The following SLC2A13 variants were observed in gnomAD, a reference collection of about 807,000 sequenced individuals.
SLC2A13 encodes the protein proton myo-inositol cotransporter.
SLC2A13 carries 32 observed loss-of-function variants against 64.4 expected under a neutral mutation model. That is an observed-to-expected ratio of 0.50 (90% CI 0.37 to 0.67). SLC2A13 has a LOEUF of 0.67. Ranked by LOEUF, SLC2A13 falls within the 30% of genes least tolerant of loss-of-function variation. SLC2A13 has a pLI of 0.00. For synonymous variants in SLC2A13, 338 were observed against 327.1 expected (o/e 1.03, Z -0.36); for missense variants, 743 against 829.2 (o/e 0.90, Z 1.28).
At chr12:40,087,147 T>C (rs201979109) in intron 1 of SLC2A13, among the ~76,000 whole-genome samples, 2 of 152,226 alleles carry the variant, frequency 1.3e-5, no homozygotes, top group East Asian at 3.8e-4. Flanking sequence ...GGCTGTATCT[T>C]CCATTCAGAA....
intron 3 of SLC2A13, among the ~76,000 whole-genome samples, chr12:40,002,848 T>A (rs1035404443): frequency 2.7e-5 from 4 of 148,860 alleles, no homozygotes; most frequent in African/African-American, 2.5e-5. Flanking sequence ...TATATTCCCC[T>A]AAAAAAAAAA....
intron 3 of SLC2A13, among the ~76,000 whole-genome samples, chr12:40,001,189 A>C (rs892087820): frequency 7.9e-5 from 12 of 152,258 alleles, no homozygotes; most frequent in African/African-American, 2.9e-4. Flanking sequence ...GCATTCACTC[A>C]AAGTGGGCCT....
At chr12:39,924,746 A>G (rs974100230) in intron 4 of SLC2A13, among the ~76,000 whole-genome samples, 1 of 152,144 alleles carries the variant, frequency 6.6e-6, no homozygotes, top group Non-Finnish European at 1.5e-5. Context: ...TTTGGTGAAA[A>G]TACTAGAGAA....
At chr12:39,971,782 C>T (rs892133063) in intron 3 of SLC2A13, among the ~76,000 whole-genome samples, 1 of 151,692 alleles carries the variant, frequency 6.6e-6, no homozygotes, top group Non-Finnish European at 1.5e-5. Context: ...CAAGACCAGC[C>T]TGGCCAACAT....
At chr12:40,080,744 A>T (rs564111259) in intron 1 of SLC2A13, among the ~76,000 whole-genome samples, 1 of 152,316 alleles carries the variant, frequency 6.6e-6, no homozygotes, top group South Asian at 2.1e-4. Context: ...TCCTGTCAAC[A>T]TGTTGTTAGT....
intron 6 of SLC2A13, among the ~76,000 whole-genome samples, chr12:39,832,293 G>A (rs568862889): frequency 5.9e-5 from 9 of 152,210 alleles, no homozygotes; most frequent in African/African-American, 1.4e-4. Flanking sequence ...CCCATATGAA[G>A]TTAAATTTAA....
chr12:40,046,258 T>A (rs1332488905), intron 2 of SLC2A13, among the ~76,000 whole-genome samples: 2 of 152,198 alleles, frequency 1.3e-5, no homozygotes, highest in African/African-American at 4.8e-5. Context: ...CTGTCTATGA[T>A]GTCTCCTTGC....
At chr12:40,028,905 T>C (rs1947864426) in intron 2 of SLC2A13, among the ~76,000 whole-genome samples, 1 of 152,212 alleles carries the variant, frequency 6.6e-6, no homozygotes, top group Admixed American at 6.5e-5. Flanking sequence ...GATATCTGCT[T>C]AAAAGGCACA....
intron 2 of SLC2A13, among the ~76,000 whole-genome samples, chr12:40,046,636 G>GA (rs547750463): frequency 1.7e-3 from 233 of 137,878 alleles, no homozygotes; most frequent in African/African-American, 1.8e-3. Flanking sequence ...CTACTGAGTA[G>GA]AAAAAAAAAA....
rs574135057 is a variant in SLC2A13, at chr12:39,779,972, C to G, written c.1446-15114G>C. Among the ~76,000 whole-genome samples the G allele has an allele frequency of 2.0e-5, 3 of 152,256 alleles. No homozygotes were observed. In the South Asian group the frequency reaches 6.2e-4, roughly 32 times the overall value. ...AATGGCATACTTTCTTTATTGGATT[C>G]TTTTCAATCCATTTTATAGCTGCTT... On this transcript the variant is annotated intron_variant, in intron 7 of 9. Coordinates refer to ENST00000280871, the MANE Select transcript of SLC2A13 (RefSeq NM_052885.4).
chr12:39,966,774 T>A (rs1469187355), intron 3 of SLC2A13, among the ~76,000 whole-genome samples: 1 of 152,176 alleles, frequency 6.6e-6, no homozygotes, highest in Non-Finnish European at 1.5e-5. Flanking sequence ...ATTCGAAAGA[T>A]ACGTCTCCAG....
chr12:39,894,318 T>C (rs1944685490), intron 4 of SLC2A13, among the ~76,000 whole-genome samples: 1 of 152,238 alleles, frequency 6.6e-6, no homozygotes, highest in Non-Finnish European at 1.5e-5. Flanking sequence ...TATCCACATA[T>C]TGAATCTGAT....
intron 6 of SLC2A13, among the ~76,000 whole-genome samples, chr12:39,850,056 C>T (rs57043315): frequency 0.021 from 3,198 of 152,228 alleles, 87 homozygotes; most frequent in East Asian, 0.13. Context: ...TTCTTCTGCA[C>T]ACATGCTATC....
At chr12:39,953,497 TCA>T (rs1946267665) in intron 3 of SLC2A13, among the ~76,000 whole-genome samples, 1 of 152,156 alleles carries the variant, frequency 6.6e-6, no homozygotes, top group Non-Finnish European at 1.5e-5. Flanking sequence ...AATCTTTATA[TCA>T]CAGAATCTAT....
At chr12:40,076,901 C>G (rs1054769184) in intron 1 of SLC2A13, among the ~76,000 whole-genome samples, 1 of 152,098 alleles carries the variant, frequency 6.6e-6, no homozygotes, top group Admixed American at 6.5e-5. Context: ...ATCTGCATTT[C>G]TTTAATGATT....
chr12:39,837,450 A>G (rs1247453584), intron 6 of SLC2A13, among the ~76,000 whole-genome samples: 1 of 138,020 alleles, frequency 7.2e-6, no homozygotes, highest in Admixed American at 7.3e-5. Context: ...CATGTCCAAA[A>G]CACCAAAAGC....
At chr12:39,903,178 G>T (rs1296941269) in intron 4 of SLC2A13, among the ~76,000 whole-genome samples, 3 of 152,096 alleles carry the variant, frequency 2.0e-5, no homozygotes, top group Admixed American at 6.6e-5. Context: ...AATCTGAATA[G>T]CATTATGAAC....
chr12:40,075,023 CTG>C (rs1369418149), intron 1 of SLC2A13, among the ~76,000 whole-genome samples: 2 of 152,172 alleles, frequency 1.3e-5, no homozygotes, highest in Non-Finnish European at 2.9e-5. Context: ...GCCACTTACA[CTG>C]TGTTTTAACT....
chr12:39,896,438 A>ATATATG (rs1491106725), intron 4 of SLC2A13, among the ~76,000 whole-genome samples: 2 of 143,958 alleles, frequency 1.4e-5, no homozygotes, highest in Non-Finnish European at 3.0e-5. Flanking sequence ...ATATGTATAC[A>ATATATG]TATATGTATA....
Sources: allele counts gnomAD v4.1 joint callset (sites outside exome capture counted in the v4.1 genomes callset), GRCh38; gene constraint gnomAD v4.1.1; transcripts MANE v1.5; gene names NCBI Gene and HGNC (gene_info 2026-07-23, HGNC 2026-07-21).